MET: variants seen among roughly 807,000 people sequenced by gnomAD.
MET encodes MET proto-oncogene, receptor tyrosine kinase.
Under a neutral mutation model 133.1 loss-of-function variants are expected in MET, and 48 were observed. The ratio of observed to expected loss-of-function variants is 0.36; its 90% CI spans 0.29 to 0.46. The LOEUF is 0.46. Among genes scored for constraint, MET ranks in the 20% least tolerant of loss-of-function variants. The pLI is 1.00. For synonymous variants in MET, 628 were observed against 616.5 expected (o/e 1.02, Z -0.28); for missense variants, 1,442 against 1,695.9 (o/e 0.85, Z 2.63).
rs768133322 is a variant in MET, at chr7:116,731,659, T to G, written c.1201-9T>G. ...TTCACATTAACTCTATGACCATATT[T>G]TATTCCAGACACTTCTGAGAAATTC... On this transcript the variant is annotated splice_polypyrimidine_tract_variant and intron_variant, in intron 2 of 20. Coordinates refer to ENST00000397752, the MANE Select transcript of MET (RefSeq NM_000245.4). 2 of 1,614,066 alleles carry G rather than the reference T, an allele frequency of 1.2e-6. No homozygotes were observed. Among genetic ancestry groups the G allele is most frequent in the Non-Finnish European group, 1.7e-6 (2 of 1,179,924 alleles).
chr7:116,733,104 C>G (rs1350164030), intron 3 of MET, among the ~76,000 whole-genome samples: 1 of 152,098 alleles, frequency 6.6e-6, no homozygotes, highest in Non-Finnish European at 1.5e-5. Context: ...CTTAACTTCT[C>G]AAACCTGAAG....
chr7:116,706,029 T>C (rs1287340050), intron 2 of MET, among the ~76,000 whole-genome samples: 4 of 152,018 alleles, frequency 2.6e-5, no homozygotes, highest in Non-Finnish European at 5.9e-5. Context: ...CATGGCTCAT[T>C]CACAAGTCTC....
rs1408907462 is a variant in MET at position 116,792,451 on chromosome 7, C to T, written c.3799-3204C>T. Reference sequence around the variant, plus strand: ...CCCTCACCCCCGACCCCCCCTCAACCGACAGACACACACACACACACACAC... The same window carrying T: ...CCCTCACCCCCGACCCCCCCTCAACTGACAGACACACACACACACACACAC... On this transcript the variant is annotated intron_variant, in intron 19 of 20. Coordinates refer to ENST00000397752, the MANE Select transcript of MET (RefSeq NM_000245.4). 5.7e-4 allele frequency among the ~76,000 whole-genome samples: 51 copies of T among 89,290 alleles called. 1 individual carries two copies. Among genetic ancestry groups the T allele is most frequent in the East Asian group, 2.3e-3 (6 of 2,640 alleles). 58.6% of individuals were successfully genotyped at this position (89,290 alleles called of 152,430 possible).
intron 1 of MET, among the ~76,000 whole-genome samples, chr7:116,682,420 G>A (rs1796394309): frequency 6.6e-6 from 1 of 152,152 alleles, no homozygotes; most frequent in South Asian, 2.1e-4. Context: ...AAAGAGAGGA[G>A]AGTATCTGTT....
intron 3 of MET, among the ~76,000 whole-genome samples, chr7:116,732,682 T>C (rs1411849844): frequency 2.0e-5 from 3 of 152,198 alleles, no homozygotes; most frequent in African/African-American, 7.2e-5. Flanking sequence ...TTGTCTGATG[T>C]AGTTAGTACC....
chr7:116,679,823 A>G (rs981450401), intron 1 of MET, among the ~76,000 whole-genome samples: 3 of 152,222 alleles, frequency 2.0e-5, no homozygotes, highest in African/African-American at 4.8e-5. Context: ...CAGACTTCCT[A>G]TATGAATTTG....
intron 2 of MET, among the ~76,000 whole-genome samples, chr7:116,717,266 C>T (rs1792279491): frequency 6.6e-6 from 1 of 152,192 alleles, no homozygotes; most frequent in Non-Finnish European, 1.5e-5. Flanking sequence ...TCAATGTCAA[C>T]ATCTTAGACA....
At chr7:116,765,530 G>T (rs184287586) in intron 11 of MET, among the ~76,000 whole-genome samples, 75 of 152,146 alleles carry the variant, frequency 4.9e-4, no homozygotes, top group Non-Finnish European at 4.4e-5. Context: ...AGCCAGGTTT[G>T]GATGAGGGAA....
chr7:116,719,568 C>T (rs1265071852), intron 2 of MET, among the ~76,000 whole-genome samples: 1 of 152,126 alleles, frequency 6.6e-6, no homozygotes, highest in Admixed American at 6.5e-5. Context: ...CTTGCCCATG[C>T]CTATGTCCTG....
At chr7:116,756,707 C>T (rs1794191619) in intron 6 of MET, among the ~76,000 whole-genome samples, 1 of 152,116 alleles carries the variant, frequency 6.6e-6, no homozygotes, top group Non-Finnish European at 1.5e-5. Flanking sequence ...TAAGCATGTA[C>T]AAGTATAACC....
intron 5 of MET, among the ~76,000 whole-genome samples, chr7:116,752,894 G>A (rs1289703955): frequency 2.6e-5 from 4 of 152,134 alleles, no homozygotes; most frequent in Non-Finnish European, 4.4e-5. Flanking sequence ...TAGAAGAGCC[G>A]GCAGCAGCTG....
In MET at chr7:116,798,184, A is replaced by G. The variant is rs1161302101; in HGVS notation, c.*2060A>G. ...CACTTGTATATACATTCTTGAGAAC[A>G]CTGCAATGTGAAAATCACGTTTGCT... On this transcript the variant is annotated 3_prime_UTR_variant, in exon 21 of 21. Transcript: ENST00000397752. 4.7e-6 allele frequency: 1 copy of G among 213,892 alleles called. No homozygotes were observed. Among genetic ancestry groups the G allele is most frequent in the Non-Finnish European group, 9.5e-6 (1 of 105,500 alleles). 13.2% of individuals were successfully genotyped at this position (213,892 alleles called of 1,614,324 possible).
chr7:116,731,044 T>C (rs1792983961), intron 2 of MET, among the ~76,000 whole-genome samples: 1 of 152,162 alleles, frequency 6.6e-6, no homozygotes, highest in Non-Finnish European at 1.5e-5. Flanking sequence ...TAAGTACTAT[T>C]TTTTTAGTTC....
At chr7:116,741,232 G>T (rs780054879) in intron 5 of MET, 45 of 597,564 alleles carry the variant, frequency 7.5e-5, no homozygotes, top group Non-Finnish European at 1.2e-4. Flanking sequence ...AGGGGGTGGT[G>T]TTTGGGCATC....
intron 3 of MET, among the ~76,000 whole-genome samples, chr7:116,736,375 C>G (rs548785730): frequency 2.0e-5 from 3 of 151,608 alleles, no homozygotes; most frequent in African/African-American, 7.3e-5. Flanking sequence ...AAATTAAAAC[C>G]GTTCAATTGT....
At chr7:116,762,103 T>C (rs1437392330) in intron 10 of MET, among the ~76,000 whole-genome samples, 1 of 152,188 alleles carries the variant, frequency 6.6e-6, no homozygotes, top group Non-Finnish European at 1.5e-5. Context: ...TTTCCAAAAT[T>C]CCATAAATCA....
At chr7:116,705,920 T>G (rs760898456) in intron 2 of MET, among the ~76,000 whole-genome samples, 2 of 152,112 alleles carry the variant, frequency 1.3e-5, no homozygotes, top group African/African-American at 2.4e-5. Context: ...CTGAGATCAC[T>G]GGGCACACCC....
At chr7:116,692,161 A>G (rs1796799998) in intron 1 of MET, among the ~76,000 whole-genome samples, 2 of 152,214 alleles carry the variant, frequency 1.3e-5, no homozygotes, top group Admixed American at 1.3e-4. Flanking sequence ...GATTTCAGAT[A>G]ATATTTTCTC....
intron 5 of MET, among the ~76,000 whole-genome samples, chr7:116,741,981 A>T (rs1051075183): frequency 1.3e-5 from 2 of 152,248 alleles, no homozygotes; most frequent in Non-Finnish European, 2.9e-5. Flanking sequence ...CGCAATTTTT[A>T]AAAATTTCTT....
Sources: allele counts gnomAD v4.1 joint callset (sites outside exome capture counted in the v4.1 genomes callset), GRCh38; gene constraint gnomAD v4.1.1; transcripts MANE v1.5; gene names NCBI Gene and HGNC (gene_info 2026-07-23, HGNC 2026-07-21).